Variants in MEI1 observed in about 807,000 individuals in gnomAD.
The protein encoded by MEI1 is meiotic double-stranded break formation protein 1.
A neutral mutation model predicts 146.2 loss-of-function variants in MEI1; 103 were observed. The ratio of observed to expected loss-of-function variants is 0.70; its 90% CI spans 0.60 to 0.83. The LOEUF is 0.83. MEI1 is among the 40% of genes least tolerant of loss of function. The pLI, the probability that MEI1 is intolerant of heterozygous loss-of-function variation, is 0.00. For missense variants in MEI1, 1,529 were observed against 1,533.0 expected (o/e 1.00, Z 0.04); for synonymous variants, 652 against 628.2 (o/e 1.04, Z -0.57).
chr22:41,780,580 TC>T (rs200526451), intron 22 of MEI1, among the ~76,000 whole-genome samples: 2,010 of 146,828 alleles, frequency 0.014, 92 homozygotes, highest in African/African-American at 0.047. Context: ...TTTTTTCTTT[TC>T]TTTTTTTTTT....
chr22:41,719,697 T>C (rs1250658074), intron 6 of MEI1, among the ~76,000 whole-genome samples: 2 of 152,180 alleles, frequency 1.3e-5, no homozygotes, highest in Admixed American at 6.5e-5. Context: ...TGGCACTAGG[T>C]TTCTCTGCTT....
intron 17 of MEI1, among the ~76,000 whole-genome samples, chr22:41,757,756 T>C (rs1198899331): frequency 6.6e-6 from 1 of 152,180 alleles, no homozygotes; most frequent in Non-Finnish European, 1.5e-5. Context: ...TATGTGTCTC[T>C]TCCCATCAGC....
chr22:41,753,949 T>G lies in MEI1; in HGVS notation c.1854T>G (p.Ser618Arg), dbSNP rs2147875953. Reference protein sequence around the residue: ...ELKARFCSGLSHSALNQVCSN... With the variant: ...ELKARFCSGLRHSALNQVCSN... ...TATTCTTTCTTCTTCTCCCTCTAAG[T>G]CACTCAGCCCTAAACCAGGTGTGTT... Residue 618 changes from serine to arginine, a missense_variant and splice_region_variant, in exon 17 of 31, where the codon AGT becomes AGG. Physicochemically the swap from Ser to Arg is moderately radical, Grantham distance 110. Around this residue, in one of 3 missense-constraint regions of MEI1, gnomAD observed 1,212 missense variants for 1,178.9 expected, o/e 1.03. Coordinates refer to ENST00000401548, the MANE Select transcript of MEI1 (RefSeq NM_152513.4). 3.7e-6 allele frequency: 6 copies of G among 1,605,232 alleles called. No homozygotes were observed. The South Asian group carries it at 6.6e-5, about 18-fold the overall frequency.
intron 26 of MEI1, among the ~76,000 whole-genome samples, chr22:41,793,572 G>A (rs1305808975): frequency 1.3e-5 from 2 of 152,224 alleles, no homozygotes; most frequent in Non-Finnish European, 2.9e-5. Flanking sequence ...AAAGTGCTGG[G>A]ATTACAGGCG....
Position 41,770,759 on chromosome 22 carries a change from T to C in MEI1, c.2342T>C (p.Leu781Pro). 1 of 1,613,942 alleles carries C rather than the reference T, an allele frequency of 6.2e-7. No homozygotes were observed. Among genetic ancestry groups the C allele is most frequent in the Non-Finnish European group, 8.5e-7 (1 of 1,179,856 alleles). The change falls in exon 20 of 31, where the codon CTC becomes CCC. Residue 781 changes from leucine to proline, a missense_variant. Physicochemically the swap from Leu to Pro is moderately conservative, Grantham distance 98. Transcript: ENST00000401548. ...CAGCTAGTCTATACTCACCATCCGCTCCTGCTCAGGTTCTTTCTGTTGTAT... is the reference window on the plus strand; with the variant it reads ...CAGCTAGTCTATACTCACCATCCGCCCCTGCTCAGGTTCTTTCTGTTGTAT... ...DLQLVYTHHPLLLRFFLLYPE... is the reference protein window; with the variant it reads ...DLQLVYTHHPPLLRFFLLYPE...
chr22:41,706,123 A>G (rs909557668), intron 3 of MEI1, among the ~76,000 whole-genome samples: 1 of 152,104 alleles, frequency 6.6e-6, no homozygotes, highest in Non-Finnish European at 1.5e-5. Flanking sequence ...GGTTCAAGCA[A>G]TCTTCCCGCC....
In MEI1 at chr22:41,744,964, C is replaced by A. The variant is rs1305954255; in HGVS notation, c.1447-9C>A. ...ATCACTAGGTTCCTGTCTCTCCTTCCCACCTCAGGGCCATGCCTCCAGTAG... is the reference window on the plus strand; with the variant it reads ...ATCACTAGGTTCCTGTCTCTCCTTCACACCTCAGGGCCATGCCTCCAGTAG... On this transcript the variant is annotated splice_polypyrimidine_tract_variant and intron_variant, in intron 12 of 30. Coordinates refer to ENST00000401548, the MANE Select transcript of MEI1 (RefSeq NM_152513.4). 2 of 1,526,354 alleles carry A rather than the reference C, an allele frequency of 1.3e-6. No homozygotes were observed. Among genetic ancestry groups the A allele is most frequent in the East Asian group, 2.5e-5 (1 of 40,606 alleles). 94.6% of individuals were successfully genotyped at this position (1,526,354 alleles called of 1,614,324 possible).
At chr22:41,740,130 C>A (rs968667526) in intron 11 of MEI1, among the ~76,000 whole-genome samples, 6 of 151,980 alleles carry the variant, frequency 3.9e-5, no homozygotes, top group African/African-American at 1.5e-4. Context: ...AACGATTCTC[C>A]TGCCTTAGCC....
In MEI1 at chr22:41,738,597, CA is replaced by C. The variant is rs2072587454; in HGVS notation, c.1332-4479del. Among the ~76,000 whole-genome samples the C allele has an allele frequency of 2.0e-5, 3 of 150,376 alleles. No homozygotes were observed. The South Asian group carries it at 6.4e-4, about 32-fold the overall frequency. On this transcript the variant is annotated intron_variant, in intron 11 of 30. Transcript: ENST00000401548. ...GCGAGACTCTGTCTCAAAAACAAAACAAAACAAAACACCAAAATACAAAAAT... is the reference window on the plus strand; with the variant it reads ...GCGAGACTCTGTCTCAAAAACAAAACAAACAAAACACCAAAATACAAAAAT...
chr22:41,738,632 C>T lies in MEI1; in HGVS notation c.1332-4448C>T, dbSNP rs1159625500. 2.0e-5 allele frequency among the ~76,000 whole-genome samples: 3 copies of T among 150,562 alleles called. No homozygotes were observed. In the East Asian group the frequency reaches 5.9e-4, roughly 29 times the overall value. On this transcript the variant is annotated intron_variant, in intron 11 of 30. Transcript: ENST00000401548. ...CACCAAAATACAAAAATTAGCTGGG[C>T]GTGGTGGCACATACCTGTAATCCCA...
At chr22:41,742,224 C>T (rs562424025) in intron 11 of MEI1, among the ~76,000 whole-genome samples, 8 of 152,162 alleles carry the variant, frequency 5.3e-5, no homozygotes, top group Admixed American at 2.0e-4. Flanking sequence ...CACACCACTG[C>T]ACTCCAGCCT....
rs2076340044 is a variant in MEI1 at position 41,795,875 on chromosome 22, G to A, written c.3779+28G>A. 6.2e-7 allele frequency: 1 copy of A among 1,612,874 alleles called. No homozygotes were observed. Among genetic ancestry groups the A allele is most frequent in the Non-Finnish European group, 8.5e-7 (1 of 1,179,314 alleles). On this transcript the variant is annotated intron_variant, in intron 30 of 30. Coordinates refer to ENST00000401548, the MANE Select transcript of MEI1 (RefSeq NM_152513.4). The surrounding 1 kb of genome is among the most constrained non-coding windows in gnomAD (Gnocchi z 4.2). Reference sequence around the variant, plus strand: ...ATCCTTTCTTGCATCTATGATGAAGGAGATGCCAAATCACTGGGTGTTTGG... The same window carrying A: ...ATCCTTTCTTGCATCTATGATGAAGAAGATGCCAAATCACTGGGTGTTTGG...
chr22:41,744,262 C>T (rs890911149), intron 12 of MEI1, among the ~76,000 whole-genome samples: 61 of 152,090 alleles, frequency 4.0e-4, no homozygotes, highest in African/African-American at 1.4e-3. Flanking sequence ...CCTTCGCCTC[C>T]GGGGTTCAAG....
At chr22:41,718,614 G>T (rs960505352) in intron 6 of MEI1, among the ~76,000 whole-genome samples, 1 of 152,140 alleles carries the variant, frequency 6.6e-6, no homozygotes, top group Non-Finnish European at 1.5e-5. Flanking sequence ...TTCTTCCATG[G>T]TTCCCTCTGG....
chr22:41,752,520 AC>A, intron 15 of MEI1, 70 bp from the exon 16 acceptor site: 1 of 1,375,786 alleles, frequency 7.3e-7, no homozygotes, highest in Non-Finnish European at 1.0e-6. Context: ...TTTTGATACC[AC>A]CCAGGCTTGG....
chr22:41,746,623 A>G (rs961756048), intron 14 of MEI1, among the ~76,000 whole-genome samples: 1 of 152,210 alleles, frequency 6.6e-6, no homozygotes, highest in Non-Finnish European at 1.5e-5. Context: ...GAGCAGGGCC[A>G]AGAGCTGCTG....
intron 19 of MEI1, among the ~76,000 whole-genome samples, chr22:41,765,666 C>T (rs1296161664): frequency 2.6e-5 from 4 of 152,032 alleles, no homozygotes; most frequent in Non-Finnish European, 5.9e-5. Context: ...TCTCTCTTCC[C>T]ATCCCCACCC....
At chr22:41,734,462 G>A (rs184204430) in intron 11 of MEI1, among the ~76,000 whole-genome samples, 5 of 151,580 alleles carry the variant, frequency 3.3e-5, no homozygotes, top group East Asian at 2.0e-4. Context: ...GCATGATGGC[G>A]CTTGCCTGTA....
intron 24 of MEI1, among the ~76,000 whole-genome samples, chr22:41,783,263 CT>C (rs1169644621): frequency 6.6e-6 from 1 of 152,134 alleles, no homozygotes; most frequent in Non-Finnish European, 1.5e-5. Flanking sequence ...AACACCCCCC[CT>C]CACCCCCGAC....
Sources: gnomAD v4.1 joint callset for allele counts (sites outside exome capture counted in the v4.1 genomes callset) on GRCh38, gnomAD v4.1.1 for gene constraint, gnomAD v4.1.1 regional missense constraint, Gnocchi (gnomAD v3.1) non-coding constraint, MANE v1.5 for transcripts, NCBI Gene and HGNC (gene_info 2026-07-23, HGNC 2026-07-21) for gene names.